Variants in AK9 observed in about 807,000 individuals in gnomAD.
The protein encoded by AK9 is adenylate kinase domain containing 1.
Under a neutral mutation model 239.6 loss-of-function variants are expected in AK9, and 191 were observed. The ratio of observed to expected loss-of-function variants is 0.80; its 90% confidence interval spans 0.71 to 0.90. The LOEUF is 0.90. Among genes scored for constraint, AK9 ranks in the 40% least tolerant of loss-of-function variants. The pLI is 0.00. For missense variants in AK9, 1,995 were observed against 2,214.7 expected (o/e 0.90, Z 1.99); for synonymous variants, 689 against 721.0 (o/e 0.96, Z 0.71).
chr6:109,670,091 C>G (rs1039723494), intron 5 of AK9, among the ~76,000 whole-genome samples: 2 of 152,130 alleles, frequency 1.3e-5, no homozygotes, highest in Non-Finnish European at 2.9e-5. Context: ...GACCTGTTTT[C>G]TTCATCAGAG....
intron 10 of AK9, among the ~76,000 whole-genome samples, chr6:109,639,670 A>T (rs1038802682): frequency 1.3e-5 from 2 of 152,158 alleles, no homozygotes; most frequent in Non-Finnish European, 2.9e-5. Flanking sequence ...CTATTTGTCT[A>T]CTTTGGCTTT....
At chr6:109,522,622 A>G (rs1303054016) in intron 29 of AK9, among the ~76,000 whole-genome samples, 6 of 151,854 alleles carry the variant, frequency 4.0e-5, no homozygotes, top group Non-Finnish European at 8.8e-5. Flanking sequence ...TTCTTCTTGA[A>G]TTTTCTGAGA....
chr6:109,612,005 T>C lies in AK9; in HGVS notation c.1693+5A>G, dbSNP rs1274650568. 5 of 1,481,966 alleles carry C rather than the reference T, an allele frequency of 3.4e-6. No homozygotes were observed. Among genetic ancestry groups the C allele is most frequent in the East Asian group, 5.0e-5 (2 of 40,246 alleles). 91.8% of individuals were successfully genotyped at this position (1,481,966 alleles called of 1,614,324 possible). On this transcript the variant is annotated splice_donor_5th_base_variant and intron_variant, in intron 16 of 40. Coordinates refer to ENST00000424296, the MANE Select transcript of AK9 (RefSeq NM_001145128.3). ...AAGAATCAAATTATACAAATATTAA[T>C]TTACCTGTATCTGAATACAACTTTA... is the stretch of plus-strand genomic sequence containing the variant.
intron 1 of AK9, among the ~76,000 whole-genome samples, chr6:109,689,339 C>G (rs1024749594): frequency 6.6e-6 from 1 of 152,206 alleles, no homozygotes; most frequent in Admixed American, 6.5e-5. Flanking sequence ...GTGCCTCCCC[C>G]ATATCCACTT....
intron 18 of AK9, 117 bp downstream of exon 18, chr6:109,585,799 A>C: frequency 2.1e-6 from 2 of 956,856 alleles, no homozygotes; most frequent in Non-Finnish European, 3.0e-6. Flanking sequence ...TCCTGCAGGG[A>C]TTGCTGGGGT....
In AK9 at chr6:109,529,038, T is replaced by C. The variant is rs141760579; in HGVS notation, c.3606A>G (p.Ile1202Met). Residue 1202 changes from isoleucine (I) to methionine (M), a missense_variant, in exon 29 of 41, where the codon ATA becomes ATG. Transcript: ENST00000424296. ...DTIAKRRAEL[I>M]LERDKKRREN... is the part of the protein sequence containing the mutation. ...CCCTCCTTTTTTTATCTCTCTCTAA[T>C]ATAAGTTCAGCCCTTCTTTTAGCAA... 13 of 1,596,672 alleles carry C rather than the reference T, an allele frequency of 8.1e-6. No individual in the cohort carries two copies. In the African/African-American group the frequency reaches 1.2e-4, roughly 15 times the overall value.
intron 16 of AK9, 76 bp downstream of exon 16, chr6:109,611,934 C>T (rs1347485132): frequency 9.9e-7 from 1 of 1,007,116 alleles, no homozygotes; most frequent in Non-Finnish European, 1.5e-6. Flanking sequence ...ATTTCTTCTT[C>T]TAAATTCTGA....
intron 8 of AK9, among the ~76,000 whole-genome samples, chr6:109,649,816 G>A (rs1169762897): frequency 1.3e-5 from 2 of 152,134 alleles, no homozygotes; most frequent in African/African-American, 2.4e-5. Flanking sequence ...GAGGCATCAC[G>A]CTACCTGACT....
intron 12 of AK9, among the ~76,000 whole-genome samples, chr6:109,621,897 A>G (rs1794867888): frequency 2.9e-5 from 2 of 68,108 alleles, no homozygotes; most frequent in Non-Finnish European, 6.6e-5. Flanking sequence ...TATAATTAAA[A>G]AAAAAAAAAA....
intron 1 of AK9, among the ~76,000 whole-genome samples, chr6:109,687,212 C>A (rs576912048): frequency 2.0e-5 from 3 of 152,002 alleles, no homozygotes; most frequent in Non-Finnish European, 2.9e-5. Context: ...GAGGACAATG[C>A]GGATTGGTTT....
chr6:109,682,884 G>A (rs146333281), intron 1 of AK9, among the ~76,000 whole-genome samples: 9 of 152,196 alleles, frequency 5.9e-5, no homozygotes, highest in African/African-American at 1.4e-4. Context: ...GGGAATTCTC[G>A]CTAACTCATT....
chr6:109,632,985 C>T lies in AK9; in HGVS notation c.1192G>A (p.Gly398Arg). ...PGPPCKVFIL[G>R]PQYSGKTTLC... ...GTTGTTTTCCCTGAATATTGAGGTC[C>T]AAGTATGAATACTTTACATGGTGGT... The change falls in exon 12 of 41, where the codon GGA (glycine) becomes AGA (arginine). Residue 398 changes from glycine to arginine, a missense_variant. Transcript: ENST00000424296. 6.2e-7 allele frequency: 1 copy of T among 1,611,492 alleles called. No individual in the cohort carries two copies. Among genetic ancestry groups the T allele is most frequent in the Non-Finnish European group, 8.5e-7 (1 of 1,179,078 alleles).
At chr6:109,650,219 G>C (rs1388843410) in intron 8 of AK9, among the ~76,000 whole-genome samples, 6 of 151,578 alleles carry the variant, frequency 4.0e-5, no homozygotes, top group African/African-American at 1.4e-4. Flanking sequence ...GGCAACAAAA[G>C]CCAAAATTGA....
intron 12 of AK9, among the ~76,000 whole-genome samples, chr6:109,628,385 C>T (rs768535551): frequency 6.6e-6 from 1 of 152,204 alleles, no homozygotes; most frequent in Non-Finnish European, 1.5e-5. Flanking sequence ...TGCTTCAGAA[C>T]TGAGCTCAGT....
chr6:109,650,345 G>A (rs1798741874), intron 8 of AK9, among the ~76,000 whole-genome samples: 1 of 151,994 alleles, frequency 6.6e-6, no homozygotes, highest in Non-Finnish European at 1.5e-5. Flanking sequence ...ATCTGACAAT[G>A]GGCCAATATC....
intron 21 of AK9, among the ~76,000 whole-genome samples, chr6:109,568,616 G>A (rs144508589): frequency 3.3e-5 from 5 of 152,122 alleles, no homozygotes; most frequent in African/African-American, 1.2e-4. Context: ...AAAATCACAC[G>A]CATTCCTATA....
At chr6:109,632,642 TA>T in intron 12 of AK9, 1 of 583,574 alleles carries the variant, frequency 1.7e-6, no homozygotes, top group Non-Finnish European at 2.4e-6. Flanking sequence ...CCAAGAAAGC[TA>T]ATAGGTGGCA....
chr6:109,573,208 C>T (rs1346228656), intron 21 of AK9, among the ~76,000 whole-genome samples: 4 of 152,064 alleles, frequency 2.6e-5, no homozygotes, highest in Non-Finnish European at 5.9e-5. Flanking sequence ...ACAACATGCC[C>T]CACAAATTAC....
intron 1 of AK9, among the ~76,000 whole-genome samples, chr6:109,688,398 G>A (rs1773830489): frequency 6.6e-6 from 1 of 152,160 alleles, no homozygotes; most frequent in Non-Finnish European, 1.5e-5. Context: ...CTACCTAAAG[G>A]TTTAGAGTAT....
Sources: allele counts gnomAD v4.1 joint callset (sites outside exome capture counted in the v4.1 genomes callset), GRCh38; gene constraint gnomAD v4.1.1; transcripts MANE v1.5; gene names NCBI Gene and HGNC (gene_info 2026-07-23, HGNC 2026-07-21).